Variants in AGL observed in about 807,000 individuals in gnomAD.
The protein encoded by AGL is amylo-alpha-1,6-glucosidase and 4-alpha-glucanotransferase.
Under a neutral mutation model 199.3 loss-of-function variants are expected in AGL, and 128 were observed. The ratio of observed to expected loss-of-function variants is 0.64; its 90% CI spans 0.56 to 0.74. The LOEUF is 0.74. Among genes scored for constraint, AGL ranks in the 30% least tolerant of loss-of-function variants. The pLI is 0.00. For synonymous variants in AGL, 584 were observed against 594.7 expected (o/e 0.98, Z 0.26); for missense variants, 1,809 against 1,820.8 (o/e 0.99, Z 0.12).
chr1:99,915,440 G>C lies in AGL; in HGVS notation c.4213G>C (p.Glu1405Gln). 6.2e-7 allele frequency: 1 copy of C among 1,612,998 alleles called. No homozygotes were observed. The highest frequency in any genetic ancestry group is 8.5e-7 in the Non-Finnish European group (1 of 1,179,630). ...AGCATGGAAAGCTTTGGAGATTGCAGAAAAAAAATTGCTTGGTCCCCTTGG... is the reference window on the plus strand; with the variant it reads ...AGCATGGAAAGCTTTGGAGATTGCACAAAAAAAATTGCTTGGTCCCCTTGG... ...EKAWKALEIA[E>Q]KKLLGPLGMK... The change falls in exon 31 of 34, where the codon GAA (glutamate) becomes CAA (glutamine). Residue 1405 changes from glutamate (E) to glutamine (Q), a missense_variant. By Grantham distance (29) the Glu-to-Gln change is conservative (BLOSUM62 2). Transcript: ENST00000361915.
At chr1:99,899,518 C>CTCTCTCTCTT (rs1653625537) in intron 25 of AGL, among the ~76,000 whole-genome samples, 1 of 107,808 alleles carries the variant, frequency 9.3e-6, no homozygotes, top group African/African-American at 3.8e-5. Context: ...CTTTCTCTCT[C>CTCTCTCTCTT]TCTCTCTCTC....
At position 99,904,967 on chromosome 1, in the gene AGL, G is replaced by T. The variant is rs976015087; in HGVS notation, c.3700+2173G>T. ...GTACAAGTTTTTGTGTGACACATAA[G>T]TTTTCATTTTTTCTGGGATAAATGT... On this transcript the variant is annotated intron_variant, in intron 27 of 33. Coordinates refer to ENST00000361915, the MANE Select transcript of AGL (RefSeq NM_000642.3). Among the ~76,000 whole-genome samples, 7 of 152,104 alleles carry T rather than the reference G, an allele frequency of 4.6e-5. No homozygotes were observed. The East Asian group carries it at 1.3e-3, about 29-fold the overall frequency.
At chr1:99,863,343 C>CTACATGT (rs1650225849) in intron 4 of AGL, among the ~76,000 whole-genome samples, 1 of 152,022 alleles carries the variant, frequency 6.6e-6, no homozygotes, top group Non-Finnish European at 1.5e-5. Context: ...CTTATCATTT[C>CTACATGT]TAAGACTTTA....
chr1:99,896,218 A>G (rs1653300726), intron 24 of AGL, 68 bp from the exon 25 acceptor site: 1 of 1,304,084 alleles, frequency 7.7e-7, no homozygotes, highest in Non-Finnish European at 1.1e-6. Context: ...GTTCTATAGT[A>G]ATGGAGTTCA....
chr1:99,912,188 T>C lies in AGL; in HGVS notation c.3837-217T>C, dbSNP rs17121622. On this transcript the variant is annotated intron_variant, in intron 28 of 33. Coordinates refer to ENST00000361915, the MANE Select transcript of AGL (RefSeq NM_000642.3). ...ATTCCACAATTCCCATTCTACATCATAGAATTTTTTAAAATTATGTGAGGA... is the reference window on the plus strand; with the variant it reads ...ATTCCACAATTCCCATTCTACATCACAGAATTTTTTAAAATTATGTGAGGA... Among the ~76,000 whole-genome samples, 7,923 of 152,150 alleles carry C rather than the reference T, an allele frequency of 0.052. 257 individuals carry two copies. The highest frequency in any genetic ancestry group is 0.079 in the African/African-American group (3,297 of 41,484).
intron 24 of AGL, 93 bp from the exon 25 acceptor site, chr1:99,896,193 A>G (rs1458091276): frequency 9.8e-6 from 11 of 1,118,560 alleles, no homozygotes; most frequent in Non-Finnish European, 1.5e-5. Flanking sequence ...CTTGTACCCC[A>G]GGTTTAGAGT....
chr1:99,898,102 A>C (rs905500775), intron 25 of AGL, among the ~76,000 whole-genome samples: 1 of 149,222 alleles, frequency 6.7e-6, no homozygotes, highest in African/African-American at 2.5e-5. Context: ...GCTGGAGTGC[A>C]GTGGCGCAAT....
chr1:99,864,358 A>C (rs1318011863), intron 4 of AGL, 28 bp from the exon 5 acceptor site: 3 of 1,575,238 alleles, frequency 1.9e-6, no homozygotes, highest in Non-Finnish European at 1.7e-6. Context: ...TTGTTTTTAC[A>C]GTGGTCTTTC....
Position 99,921,827 on chromosome 1 carries a change from TTTCAATTTGAA to T in AGL, c.*178_*188del. On this transcript the variant is annotated 3_prime_UTR_variant, in exon 34 of 34. Coordinates refer to ENST00000361915, the MANE Select transcript of AGL (RefSeq NM_000642.3). ...ATTTTTTTTAATGTACAGAGGTAGA[TTTCAATTTGAA>T]TCAGAAAGAAATATCATTACCAATG... The T allele has an allele frequency of 2.3e-6, 1 of 431,464 alleles. No homozygotes were observed. Among genetic ancestry groups the T allele is most frequent in the Non-Finnish European group, 4.1e-6 (1 of 244,044 alleles). 26.7% of individuals were successfully genotyped at this position (431,464 alleles called of 1,614,324 possible).
At position 99,916,668 on chromosome 1, in the gene AGL, C is replaced by A. The variant is rs902331738; in HGVS notation, c.4418C>A (p.Thr1473Asn). ...TTTTCCAGATTGATGGGCCCGGAGA[C>A]TACTGCAAAGACTATAGTTTTGGTT... ...LYFSRLMGPE[T>N]TAKTIVLVKN... is the part of the protein sequence containing the mutation. Residue 1473 changes from threonine to asparagine, a missense_variant, in exon 33 of 34, where the codon ACT (threonine) becomes AAT (asparagine). Physicochemically the swap from Thr to Asn is moderately conservative, Grantham distance 65 (BLOSUM62 0). Transcript: ENST00000361915. The A allele has an allele frequency of 3.7e-6, 6 of 1,612,900 alleles. No homozygotes were observed. Among genetic ancestry groups the A allele is most frequent in the Non-Finnish European group, 5.1e-6 (6 of 1,179,374 alleles).
rs547258642 is a variant in AGL, at chr1:99,876,036, A to G, written c.1284-422A>G. Among the ~76,000 whole-genome samples, 9 of 152,214 alleles carry G rather than the reference A, an allele frequency of 5.9e-5. No individual in the cohort carries two copies. In the East Asian group the frequency reaches 7.7e-4, roughly 13 times the overall value. ...ACTACAGAGGTGCACCACCATGCCC[A>G]GCTAATTTTTGTAGTTTTAGTAGAG... On this transcript the variant is annotated intron_variant, in intron 10 of 33. Coordinates refer to ENST00000361915, the MANE Select transcript of AGL (RefSeq NM_000642.3).
At chr1:99,919,170 C>T (rs1372046429) in intron 33 of AGL, among the ~76,000 whole-genome samples, 1 of 152,190 alleles carries the variant, frequency 6.6e-6, no homozygotes, top group East Asian at 1.9e-4. Flanking sequence ...TGCCAGGCTC[C>T]ACCTGTGTTC....
chr1:99,850,737 A>AT (rs1392680180), intron 1 of AGL: 4 of 350,646 alleles, frequency 1.1e-5, no homozygotes, highest in Middle Eastern at 8.5e-4. Flanking sequence ...TAGGTTTTTA[A>AT]TTTTTTAATT....
rs549501272 is a variant in AGL at position 99,916,683 on chromosome 1, T to A, written c.4433T>A (p.Ile1478Lys). Residue 1478 changes from isoleucine to lysine, a missense_variant, in exon 33 of 34, where the codon ATA becomes AAA. By Grantham distance (102) the Ile-to-Lys change is moderately radical. Transcript: ENST00000361915. ...LMGPETTAKT[I>K]VLVKNVLSRH... ...GGCCCGGAGACTACTGCAAAGACTATAGTTTTGGTTAAAAATGTTCTTTCC... is the reference window on the plus strand; with the variant it reads ...GGCCCGGAGACTACTGCAAAGACTAAAGTTTTGGTTAAAAATGTTCTTTCC... The A allele has an allele frequency of 6.2e-7, 1 of 1,613,392 alleles. No homozygotes were observed. Among genetic ancestry groups the A allele is most frequent in the Admixed American group, 1.7e-5 (1 of 59,908 alleles).
Position 99,897,819 on chromosome 1 carries a change from GTGCCTAGAGTAATATCTGCCACA to G in AGL, c.3362+1458_3362+1480del, listed in dbSNP as rs530197769. Among the ~76,000 whole-genome samples the G allele has an allele frequency of 7.6e-4, 115 of 152,216 alleles. 3 individuals are homozygous for G. In the South Asian group the frequency reaches 0.02, roughly 26 times the overall value. ...GATCAAATGAACACATACAGTTAAG[GTGCCTAGAGTAATATCTGCCACA>G]TGCCTAGAGTAATATCTGCCACATG... On this transcript the variant is annotated intron_variant, in intron 25 of 33. Coordinates refer to ENST00000361915, the MANE Select transcript of AGL (RefSeq NM_000642.3).
At chr1:99,907,693 G>GTTTTTTGTTTTTTTTTTTTTT (rs1553191713) in intron 27 of AGL, among the ~76,000 whole-genome samples, 17 of 118,968 alleles carry the variant, frequency 1.4e-4, no homozygotes, top group African/African-American at 1.8e-4. Flanking sequence ...TTTGTTTTTT[G>GTTTTTTGTTTTTTTTTTTTTT]TTTTTTTTGC....
chr1:99,905,822 C>G (rs1274059032), intron 27 of AGL, among the ~76,000 whole-genome samples: 2 of 152,126 alleles, frequency 1.3e-5, no homozygotes, highest in African/African-American at 2.4e-5. Flanking sequence ...CTCAAGCAAT[C>G]CTCTTGCCTC....
chr1:99,881,242 A>G (rs1651995544), intron 15 of AGL, 50 bp from the exon 16 acceptor site: 2 of 1,613,606 alleles, frequency 1.2e-6, no homozygotes, highest in African/African-American at 1.3e-5. Flanking sequence ...TTATTAAAAA[A>G]AATTCATTGT....
chr1:99,867,552 T>G (rs950832115), intron 5 of AGL, among the ~76,000 whole-genome samples: 10 of 151,962 alleles, frequency 6.6e-5, no homozygotes, highest in Non-Finnish European at 1.2e-4. Context: ...TTTTTTTAAT[T>G]TTTTTTTCTC....
Sources: gnomAD v4.1 joint callset for allele counts (sites outside exome capture counted in the v4.1 genomes callset) on GRCh38, gnomAD v4.1.1 for gene constraint, MANE v1.5 for transcripts, NCBI Gene and HGNC (gene_info 2026-07-23, HGNC 2026-07-21) for gene names.